CA2: variants seen among roughly 807,000 people sequenced by gnomAD.
CA2 encodes carbonate dehydratase II.
In CA2, 23 loss-of-function variants were observed where a neutral mutation model predicts 27.8. That is an observed-to-expected ratio of 0.83 (90% CI 0.59 to 1.17). The LOEUF (loss-of-function observed/expected upper bound fraction) is 1.17, where lower values mean the gene tolerates loss of function less well. Among genes scored for constraint, CA2 ranks in the 50% most tolerant of loss-of-function variants. The pLI, the probability that CA2 is intolerant of heterozygous loss-of-function variation, is 0.00. For synonymous variants in CA2, 99 were observed against 114.9 expected (o/e 0.86, Z 0.88); for missense variants, 300 against 314.7 (o/e 0.95, Z 0.35).
chr8:85,473,908 C>A, intron 3 of CA2, 97 bp downstream of exon 3: 1 of 789,038 alleles, frequency 1.3e-6, no homozygotes, highest in East Asian at 2.5e-5. Flanking sequence ...TCAACTCACG[C>A]CCAGTGAACC....
rs180828977 is a variant in CA2, at chr8:85,469,909, C to T, written c.233-3784C>T. Reference sequence around the variant, plus strand: ...CGTAATGGATCTTCATACATGGATCCTGCTTGACTTTCAGGGACTTGCTTT... The same window carrying T: ...CGTAATGGATCTTCATACATGGATCTTGCTTGACTTTCAGGGACTTGCTTT... On this transcript the variant is annotated intron_variant, in intron 2 of 6. Coordinates refer to ENST00000285379, the MANE Select transcript of CA2 (RefSeq NM_000067.3). Among the ~76,000 whole-genome samples, 210 of 152,232 alleles carry T rather than the reference C, an allele frequency of 1.4e-3. 1 individual carries two copies. The highest frequency in any genetic ancestry group is 3.5e-3 in the Admixed American group (53 of 15,298).
chr8:85,480,495 C>T (rs1417079713), intron 6 of CA2, among the ~76,000 whole-genome samples, 175 bp from the exon 7 acceptor site: 3 of 150,608 alleles, frequency 2.0e-5, no homozygotes, highest in African/African-American at 4.9e-5. Flanking sequence ...AGGCTGGTCT[C>T]GAATTGCTGA....
At position 85,464,123 on chromosome 8, in the gene CA2, C is replaced by T; in HGVS notation, c.34+8C>T. 2.0e-6 allele frequency: 3 copies of T among 1,537,910 alleles called. No homozygotes were observed. Among genetic ancestry groups the T allele is most frequent in the Non-Finnish European group, 2.6e-6 (3 of 1,143,896 alleles). ...GGTACGGCAAACACAACGGTGAGTG[C>T]CGGCGACGGCCAGCGCGGGGGCGCC... On this transcript the variant is annotated splice_region_variant and intron_variant, in intron 1 of 6. Coordinates refer to ENST00000285379, the MANE Select transcript of CA2 (RefSeq NM_000067.3).
intron 2 of CA2, among the ~76,000 whole-genome samples, chr8:85,469,210 A>C (rs886653949): frequency 2.0e-5 from 3 of 152,162 alleles, no homozygotes; most frequent in African/African-American, 7.2e-5. Flanking sequence ...TAACATTTTT[A>C]GATTTCCTAT....
At chr8:85,476,826 G>C (rs1811806951) in intron 5 of CA2, among the ~76,000 whole-genome samples, 1 of 151,820 alleles carries the variant, frequency 6.6e-6, no homozygotes, top group African/African-American at 2.4e-5. Context: ...GGTGTGATCA[G>C]CTAATGACTT....
At chr8:85,475,371 T>A (rs1261565128) in intron 4 of CA2, among the ~76,000 whole-genome samples, 20 of 41,362 alleles carry the variant, frequency 4.8e-4, no homozygotes, top group East Asian at 9.1e-4. Context: ...ACTCTGACTC[T>A]AAAAAAAAAA....
In CA2 at chr8:85,477,170, A is replaced by G; in HGVS notation, c.558A>G (p.Glu186=). 6.2e-7 allele frequency: 1 copy of G among 1,613,986 alleles called. No homozygotes were observed. The highest frequency in any genetic ancestry group is 8.5e-7 in the Non-Finnish European group (1 of 1,179,960). The change falls in exon 6 of 7, where the codon GAA becomes GAG. Residue 186 remains glutamate, a synonymous_variant. Transcript: ENST00000285379. The stretch of plus-strand genomic sequence containing the variant: ...TCGATCCTCGTGGCCTCCTTCCTGA[A>G]TCCTTGGATTACTGGACCTACCCAG... ...TNFDPRGLLP[E]SLDYWTYPGS...
chr8:85,477,415 G>A (rs908080972), intron 6 of CA2, 140 bp downstream of exon 6: 1 of 946,974 alleles, frequency 1.1e-6, no homozygotes, highest in Non-Finnish European at 1.7e-6. Context: ...CTTTGATGGT[G>A]CCTAGCAAAT....
chr8:85,480,591 T>C lies in CA2; in HGVS notation c.664-79T>C, dbSNP rs1037896347. ...AGCCACTGCGCCTGGCCGGGGAATGTATTTAAAGATATAACACAAGTATAT... is the reference window on the plus strand; with the variant it reads ...AGCCACTGCGCCTGGCCGGGGAATGCATTTAAAGATATAACACAAGTATAT... On this transcript the variant is annotated intron_variant, in intron 6 of 6. Transcript: ENST00000285379. 1.2e-5 allele frequency: 17 copies of C among 1,430,488 alleles called. No individual in the cohort carries two copies. In the African/African-American group the frequency reaches 2.1e-4, roughly 18 times the overall value. The allele number at this position is 1,430,488 out of a possible 1,614,324, so 88.6% of individuals were successfully genotyped here.
intron 6 of CA2, 136 bp downstream of exon 6, chr8:85,477,411 T>C (rs1480335391): frequency 1.0e-6 from 1 of 975,708 alleles, no homozygotes; most frequent in Non-Finnish European, 1.6e-6. Context: ...GTGCCTTTGA[T>C]GGTGCCTAGC....
At chr8:85,480,519 AC>A (rs1232901370) in intron 6 of CA2, 150 bp from the exon 7 acceptor site, 1 of 691,922 alleles carries the variant, frequency 1.4e-6, no homozygotes, top group African/African-American at 1.8e-5. Context: ...CAAGTGATCC[AC>A]CCGCCTCATG....
Position 85,480,761 on chromosome 8 carries a change from A to G in CA2, c.755A>G (p.Asn252Ser), listed in dbSNP as rs1480143400. 3 of 1,613,956 alleles carry G rather than the reference A, an allele frequency of 1.9e-6. No individual in the cohort carries two copies. Among genetic ancestry groups the G allele is most frequent in the Non-Finnish European group, 2.5e-6 (3 of 1,179,880 alleles). The change falls in exon 7 of 7, where the codon AAC (asparagine) becomes AGC (serine). Residue 252 changes from asparagine to serine, a missense_variant. Coordinates refer to ENST00000285379, the MANE Select transcript of CA2 (RefSeq NM_000067.3). ...DNWRPAQPLK[N>S]RQIKASFK ...TGGCGCCCAGCTCAGCCACTGAAGAACAGGCAAATCAAAGCTTCCTTCAAA... is the reference window on the plus strand; with the variant it reads ...TGGCGCCCAGCTCAGCCACTGAAGAGCAGGCAAATCAAAGCTTCCTTCAAA...
intron 3 of CA2, 89 bp from the exon 4 acceptor site, chr8:85,474,235 C>T (rs1395483156): frequency 1.0e-6 from 1 of 969,338 alleles, no homozygotes; most frequent in East Asian, 2.4e-5. Context: ...TCCTGAGTAA[C>T]CTTTATTGTG....
chr8:85,471,574 G>C (rs553918522), intron 2 of CA2, among the ~76,000 whole-genome samples: 1 of 151,940 alleles, frequency 6.6e-6, no homozygotes, highest in Non-Finnish European at 1.5e-5. Flanking sequence ...ATTCTTCACT[G>C]GGGGGAAAGA....
In CA2 at chr8:85,477,118, A is replaced by G. The variant is rs1396034716; in HGVS notation, c.508-2A>G. 1.2e-6 allele frequency: 2 copies of G among 1,613,856 alleles called. No individual in the cohort carries two copies. The highest frequency in any genetic ancestry group is 1.7e-5 in the Admixed American group (1 of 59,990). ...TGAAGCTGCGTATTTGCCTTGTTCTAGGGCAAGAGTGCTGACTTCACTAAC... is the reference window on the plus strand; with the variant it reads ...TGAAGCTGCGTATTTGCCTTGTTCTGGGGCAAGAGTGCTGACTTCACTAAC... On this transcript the variant is annotated splice_acceptor_variant, in intron 5 of 6. Coordinates refer to ENST00000285379, the MANE Select transcript of CA2 (RefSeq NM_000067.3). LOFTEE classifies it high-confidence loss of function.
chr8:85,469,958 A>C (rs1250658084), intron 2 of CA2, among the ~76,000 whole-genome samples: 1 of 152,160 alleles, frequency 6.6e-6, no homozygotes, highest in African/African-American at 2.4e-5. Flanking sequence ...GTTTTCTTTC[A>C]CAGCAGTCCT....
chr8:85,464,933 A>T (rs1811602179), intron 1 of CA2: 1 of 272,600 alleles, frequency 3.7e-6, no homozygotes. Context: ...TCGCAACCAC[A>T]AGCCCTGACA....
intron 6 of CA2, among the ~76,000 whole-genome samples, chr8:85,477,744 C>G (rs1030619935): frequency 6.6e-6 from 1 of 152,168 alleles, no homozygotes; most frequent in Non-Finnish European, 1.5e-5. Flanking sequence ...TCTATTAAAA[C>G]TCACTCCAGG....
At chr8:85,479,470 G>A (rs976892890) in intron 6 of CA2, among the ~76,000 whole-genome samples, 3 of 152,150 alleles carry the variant, frequency 2.0e-5, no homozygotes, top group Non-Finnish European at 4.4e-5. Flanking sequence ...ACTATTACTG[G>A]ACAAAAGAGA....
Sources: gnomAD v4.1 joint callset for allele counts (sites outside exome capture counted in the v4.1 genomes callset) on GRCh38, gnomAD v4.1.1 for gene constraint, MANE v1.5 for transcripts, NCBI Gene and HGNC (gene_info 2026-07-23, HGNC 2026-07-21) for gene names.